The following THSD7A variants were observed in gnomAD, a reference collection of about 807,000 sequenced individuals.
THSD7A encodes thrombospondin type-1 domain-containing protein 7A.
A neutral mutation model predicts 231.3 loss-of-function variants in THSD7A; 96 were observed. The ratio of observed to expected loss-of-function variants is 0.41; its 90% CI spans 0.35 to 0.49. THSD7A has a LOEUF of 0.49. THSD7A is among the 20% of genes least tolerant of loss of function. The pLI is 0.05. For synonymous variants in THSD7A, 940 were observed against 743.3 expected (o/e 1.26, Z -4.30); for missense variants, 2,290 against 2,070.2 (o/e 1.11, Z -2.06).
chr7:11,755,333 C>T (rs774252840), intron 1 of THSD7A, among the ~76,000 whole-genome samples: 50 of 152,252 alleles, frequency 3.3e-4, no homozygotes, highest in Middle Eastern at 6.8e-3. Context: ...TATATTATTA[C>T]AATACCAATT....
chr7:11,418,573 T>C (rs752875769), intron 16 of THSD7A, among the ~76,000 whole-genome samples: 10 of 152,202 alleles, frequency 6.6e-5, no homozygotes, highest in Non-Finnish European at 1.3e-4. Flanking sequence ...AAACCTAGTG[T>C]CATGTTTTAA....
At chr7:11,531,307 C>T (rs992236428) in intron 6 of THSD7A, among the ~76,000 whole-genome samples, 5 of 152,126 alleles carry the variant, frequency 3.3e-5, no homozygotes, top group Non-Finnish European at 1.5e-5. Context: ...CCCTAAAGTT[C>T]GTTCTCAACA....
intron 11 of THSD7A, among the ~76,000 whole-genome samples, chr7:11,452,180 G>T (rs1477151028): frequency 6.6e-6 from 1 of 151,948 alleles, no homozygotes; most frequent in African/African-American, 2.4e-5. Flanking sequence ...TTAGATGAGT[G>T]ATTTTCTCCT....
At chr7:11,720,354 T>C (rs1730219657) in intron 1 of THSD7A, among the ~76,000 whole-genome samples, 1 of 151,810 alleles carries the variant, frequency 6.6e-6, no homozygotes, top group African/African-American at 2.4e-5. Context: ...TTCTACAATG[T>C]ACATTCCATA....
intron 17 of THSD7A, among the ~76,000 whole-genome samples, chr7:11,413,661 T>G (rs2115389033): frequency 6.6e-6 from 1 of 152,326 alleles, no homozygotes; most frequent in African/African-American, 2.4e-5. Context: ...TTTGTAAAGC[T>G]AATGAAAGGC....
intron 1 of THSD7A, among the ~76,000 whole-genome samples, chr7:11,648,139 T>C (rs1432920114): frequency 1.3e-5 from 2 of 152,102 alleles, no homozygotes; most frequent in African/African-American, 4.8e-5. Flanking sequence ...GTCTGTATTT[T>C]AGGCTACTTG....
intron 16 of THSD7A, 83 bp from the exon 17 acceptor site, chr7:11,417,686 C>A: frequency 7.1e-7 from 1 of 1,407,938 alleles, no homozygotes; most frequent in East Asian, 2.4e-5. Context: ...ATGACCAACC[C>A]ACAGGACAGA....
At chr7:11,765,405 T>C (rs1447939175) in intron 1 of THSD7A, among the ~76,000 whole-genome samples, 2 of 152,188 alleles carry the variant, frequency 1.3e-5, no homozygotes, top group Non-Finnish European at 2.9e-5. Flanking sequence ...TCCAGCTGAA[T>C]AGCATTTCTT....
chr7:11,752,855 G>T (rs1782547273), intron 1 of THSD7A, among the ~76,000 whole-genome samples: 1 of 152,044 alleles, frequency 6.6e-6, no homozygotes, highest in Non-Finnish European at 1.5e-5. Flanking sequence ...GAGGCCGAGA[G>T]GTCAAGGCTG....
Position 11,412,765 on chromosome 7 carries a change from A to T in THSD7A, c.3573T>A (p.Ala1191=), listed in dbSNP as rs183247996. Residue 1191 remains alanine (A), a synonymous_variant, in exon 18 of 28, where the codon GCT becomes GCA. Transcript: ENST00000423059. ...CNQSSFRQRS[A]DPIRQPADEG... Reference sequence around the variant, plus strand: ...CATCAGCTGGTTGTCTGATGGGATCAGCTGACCTTTGCCGGAAACTGCTTT... The same window carrying T: ...CATCAGCTGGTTGTCTGATGGGATCTGCTGACCTTTGCCGGAAACTGCTTT... 212 of 1,613,490 alleles carry T rather than the reference A, an allele frequency of 1.3e-4. 1 individual carries two copies. In the African/African-American group the frequency reaches 2.4e-3, roughly 18 times the overall value.
chr7:11,604,589 A>C (rs906200337), intron 2 of THSD7A, among the ~76,000 whole-genome samples: 43 of 152,224 alleles, frequency 2.8e-4, no homozygotes, highest in African/African-American at 1.0e-3. Flanking sequence ...TTTTACAGAC[A>C]AGGAAATGAA....
chr7:11,810,987 A>G (rs1334225746), intron 1 of THSD7A, among the ~76,000 whole-genome samples: 1 of 152,190 alleles, frequency 6.6e-6, no homozygotes, highest in Non-Finnish European at 1.5e-5. Flanking sequence ...TTGTTCTGTT[A>G]CAGCAATACA....
chr7:11,541,658 AT>A, intron 5 of THSD7A, 27 bp from the exon 6 acceptor site: 1 of 1,592,030 alleles, frequency 6.3e-7, no homozygotes, highest in Middle Eastern at 1.8e-4. Flanking sequence ...GGAAAAATCT[AT>A]TGTTACTATC....
chr7:11,773,320 G>C (rs1485943337), intron 1 of THSD7A, among the ~76,000 whole-genome samples: 2 of 152,156 alleles, frequency 1.3e-5, no homozygotes, highest in Non-Finnish European at 2.9e-5. Flanking sequence ...GATCATCTAG[G>C]TCGGGAGTTC....
chr7:11,528,086 G>A (rs1321432037), intron 6 of THSD7A, among the ~76,000 whole-genome samples: 1 of 152,160 alleles, frequency 6.6e-6, no homozygotes, highest in African/African-American at 2.4e-5. Context: ...AGGATCATTT[G>A]AGCCCAGGAG....
intron 6 of THSD7A, among the ~76,000 whole-genome samples, chr7:11,489,099 C>G (rs17632560): frequency 0.13 from 20,353 of 152,146 alleles, 1,505 homozygotes; most frequent in Middle Eastern, 0.19. Flanking sequence ...TGAGAACCTT[C>G]TGGCCAGAGA....
At chr7:11,675,679 C>T (rs111939693) in intron 1 of THSD7A, among the ~76,000 whole-genome samples, 5 of 152,304 alleles carry the variant, frequency 3.3e-5, no homozygotes, top group South Asian at 2.1e-4. Context: ...CCCACCTCAG[C>T]GCTGCAAAGC....
intron 1 of THSD7A, chr7:11,820,454 A>G: frequency 7.9e-7 from 1 of 1,269,250 alleles, no homozygotes; most frequent in South Asian, 1.7e-5. Flanking sequence ...CAGAACATGA[A>G]CCGGCCCTGA....
chr7:11,652,910 G>A (rs1782560201), intron 1 of THSD7A, among the ~76,000 whole-genome samples: 1 of 151,734 alleles, frequency 6.6e-6, no homozygotes, highest in Non-Finnish European at 1.5e-5. Context: ...TAGGATTCTA[G>A]GAAAAATAAT....
Sources: gnomAD v4.1 joint callset for allele counts (sites outside exome capture counted in the v4.1 genomes callset) on GRCh38, gnomAD v4.1.1 for gene constraint, MANE v1.5 for transcripts, NCBI Gene and HGNC (gene_info 2026-07-23, HGNC 2026-07-21) for gene names.